Variants in DGKB observed in about 807,000 individuals in gnomAD.
The protein encoded by DGKB is diacylglycerol kinase beta, also known as 90 kDa diacylglycerol kinase.
DGKB carries 67 observed loss-of-function variants against 114.3 expected under a neutral mutation model. The observed-to-expected ratio is 0.59, with a 90% CI of 0.48 to 0.72. DGKB has a LOEUF of 0.72. Among genes scored for constraint, DGKB ranks in the 30% least tolerant of loss-of-function variants. The pLI is 0.00. For synonymous variants in DGKB, 398 were observed against 323.1 expected, an observed-to-expected ratio of 1.23 and a Z score of -2.49; for missense variants, 907 against 975.2, an observed-to-expected ratio of 0.93 and a Z score of 0.93.
intron 21 of DGKB, among the ~76,000 whole-genome samples, chr7:14,467,979 G>A (rs1249105378): frequency 6.6e-6 from 1 of 152,006 alleles, no homozygotes; most frequent in African/African-American, 2.4e-5. Context: ...CCTCACAATT[G>A]TTCCCTGGGA....
chr7:14,798,367 G>A (rs1434101250), intron 2 of DGKB, among the ~76,000 whole-genome samples: 1 of 152,064 alleles, frequency 6.6e-6, no homozygotes, highest in Non-Finnish European at 1.5e-5. Flanking sequence ...AAGCTATTTT[G>A]CCCGTATAAC....
At chr7:14,766,406 A>T (rs927352341) in intron 2 of DGKB, among the ~76,000 whole-genome samples, 3 of 151,856 alleles carry the variant, frequency 2.0e-5, no homozygotes, top group African/African-American at 4.8e-5. Flanking sequence ...TATTGATTGG[A>T]TATGGGTTGT....
At chr7:14,470,307 G>C (rs185409017) in intron 21 of DGKB, among the ~76,000 whole-genome samples, 57 of 151,942 alleles carry the variant, frequency 3.8e-4, no homozygotes, top group Admixed American at 6.6e-4. Flanking sequence ...TGTTTACCTA[G>C]TTGGCTAATA....
chr7:14,229,147 G>A (rs907278536), intron 23 of DGKB, among the ~76,000 whole-genome samples: 1 of 151,874 alleles, frequency 6.6e-6, no homozygotes, highest in Non-Finnish European at 1.5e-5. Context: ...TTATTTCTTT[G>A]TTAGAGAAGT....
chr7:14,649,172 C>T (rs1813852788), intron 13 of DGKB, among the ~76,000 whole-genome samples: 1 of 127,220 alleles, frequency 7.9e-6, no homozygotes, highest in South Asian at 2.5e-4. Flanking sequence ...TCGAGAAGGG[C>T]AACTGTAAGA....
intron 23 of DGKB, among the ~76,000 whole-genome samples, chr7:14,261,544 T>C (rs1796779585): frequency 6.6e-6 from 1 of 152,182 alleles, no homozygotes; most frequent in Non-Finnish European, 1.5e-5. Flanking sequence ...TTTCCAGTGA[T>C]TGACTTGATA....
At chr7:14,673,730 T>C (rs974661244) in intron 12 of DGKB, among the ~76,000 whole-genome samples, 1 of 152,058 alleles carries the variant, frequency 6.6e-6, no homozygotes, top group East Asian at 1.9e-4. Context: ...CAACGTGGTG[T>C]TTTAAATAGT....
intron 21 of DGKB, among the ~76,000 whole-genome samples, chr7:14,433,494 G>T (rs74346963): frequency 0.011 from 1,694 of 152,134 alleles, 33 homozygotes; most frequent in African/African-American, 0.039. Context: ...GCAAAAATGG[G>T]TAATAAGAAA....
At chr7:14,172,162 G>C (rs1055380627) in intron 25 of DGKB, among the ~76,000 whole-genome samples, 1 of 152,132 alleles carries the variant, frequency 6.6e-6, no homozygotes, top group African/African-American at 2.4e-5. Context: ...TTGGACAAGA[G>C]GGAAGCGCAT....
intron 21 of DGKB, among the ~76,000 whole-genome samples, chr7:14,358,560 G>A (rs751118939): frequency 2.6e-5 from 4 of 152,056 alleles, no homozygotes; most frequent in Non-Finnish European, 4.4e-5. Context: ...AAACCCCATC[G>A]TCTCAGCCCA....
intron 23 of DGKB, among the ~76,000 whole-genome samples, chr7:14,284,871 G>C (rs1800599365): frequency 9.0e-6 from 1 of 111,070 alleles, no homozygotes; most frequent in Non-Finnish European, 1.8e-5. Flanking sequence ...TGGGGTGGGG[G>C]GAGGGGGGAG....
At chr7:14,816,697 G>C (rs2128093490) in intron 2 of DGKB, 1 of 152,250 alleles carries the variant, frequency 6.6e-6, no homozygotes, top group African/African-American at 2.4e-5. Context: ...GATGACGAGA[G>C]CAAAGGATTT....
intron 1 of DGKB, among the ~76,000 whole-genome samples, chr7:14,925,625 T>G (rs1784706274): frequency 6.6e-6 from 1 of 152,168 alleles, no homozygotes; most frequent in African/African-American, 2.4e-5. Context: ...TTGGTGAGAT[T>G]TGTACCTGAA....
intron 23 of DGKB, among the ~76,000 whole-genome samples, chr7:14,260,351 G>C (rs1387746604): frequency 6.6e-6 from 1 of 152,092 alleles, no homozygotes; most frequent in Non-Finnish European, 1.5e-5. Context: ...ATTTTCCCAG[G>C]TGAAGAGTTT....
At chr7:14,594,084 A>G (rs1425540284) in intron 17 of DGKB, among the ~76,000 whole-genome samples, 1 of 152,094 alleles carries the variant, frequency 6.6e-6, no homozygotes, top group Non-Finnish European at 1.5e-5. Flanking sequence ...AATTGCAAAT[A>G]TAAGCCAATG....
chr7:14,197,926 G>A (rs1785259187), intron 23 of DGKB, among the ~76,000 whole-genome samples: 1 of 152,036 alleles, frequency 6.6e-6, no homozygotes, highest in Non-Finnish European at 1.5e-5. Context: ...TCCTAAGTAA[G>A]GTCACGAGGT....
chr7:14,496,234 A>G (rs1785287913), intron 20 of DGKB, among the ~76,000 whole-genome samples: 2 of 151,952 alleles, frequency 1.3e-5, no homozygotes, highest in Non-Finnish European at 2.9e-5. Flanking sequence ...TGTAGATTGT[A>G]GAAGTAATGC....
chr7:14,947,330 C>T (rs1016321849), intron 1 of DGKB, among the ~76,000 whole-genome samples: 1 of 151,648 alleles, frequency 6.6e-6, no homozygotes, highest in African/African-American at 2.4e-5. Context: ...AAAAACAAAA[C>T]TGTTCTGTTA....
chr7:14,695,671 T>G (rs889737115), intron 8 of DGKB, among the ~76,000 whole-genome samples: 17 of 151,776 alleles, frequency 1.1e-4, no homozygotes, highest in Admixed American at 3.3e-4. Context: ...GGCTGATTTT[T>G]TTTGTGTGTG....
Sources: allele counts gnomAD v4.1 joint callset (sites outside exome capture counted in the v4.1 genomes callset), GRCh38; gene constraint gnomAD v4.1.1; transcripts MANE v1.5; gene names NCBI Gene and HGNC (gene_info 2026-07-23, HGNC 2026-07-21).